CTIF: variants seen among roughly 807,000 people sequenced by gnomAD.
CTIF encodes CBP80/20-dependent translation initiation factor.
CTIF carries 21 observed loss-of-function variants against 66.0 expected under a neutral mutation model. The observed-to-expected ratio is 0.32, with a 90% CI of 0.23 to 0.46. CTIF has a LOEUF of 0.46. CTIF is among the 20% of genes least tolerant of loss of function. The pLI is 1.00. For missense variants in CTIF, 739 were observed against 812.7 expected, an observed-to-expected ratio of 0.91 and a Z score of 1.10; for synonymous variants, 345 against 326.4, an observed-to-expected ratio of 1.06 and a Z score of -0.62.
chr18:48,642,550 A>G (rs1348146902), intron 3 of CTIF, among the ~76,000 whole-genome samples: 1 of 152,190 alleles, frequency 6.6e-6, no homozygotes, highest in Non-Finnish European at 1.5e-5. Flanking sequence ...GGGGCTGAGA[A>G]TGGTGAATGC....
Position 48,544,788 on chromosome 18 carries a change from G to A in CTIF, c.-29+5476G>A, listed in dbSNP as rs570492250. 7.2e-5 allele frequency among the ~76,000 whole-genome samples: 11 copies of A among 152,332 alleles called. No individual in the cohort carries two copies. In the South Asian group the frequency reaches 8.3e-4, roughly 11 times the overall value. ...AGGTTTACTTGATCATCCTGCAGTCGGTGCGAGCTTCACAGTAGTTGTCGG... is the reference window on the plus strand; with the variant it reads ...AGGTTTACTTGATCATCCTGCAGTCAGTGCGAGCTTCACAGTAGTTGTCGG... On this transcript the variant is annotated intron_variant, in intron 1 of 11. Coordinates refer to ENST00000256413, the MANE Select transcript of CTIF (RefSeq NM_014772.3).
chr18:48,842,012 C>T (rs1452168537), intron 10 of CTIF, among the ~76,000 whole-genome samples: 1 of 152,144 alleles, frequency 6.6e-6, no homozygotes, highest in Non-Finnish European at 1.5e-5. Flanking sequence ...TTAAATCTAC[C>T]TGGTTCTCAA....
At chr18:48,642,330 G>A (rs145808887) in intron 3 of CTIF, among the ~76,000 whole-genome samples, 19 of 152,338 alleles carry the variant, frequency 1.2e-4, no homozygotes, top group African/African-American at 4.6e-4. Flanking sequence ...GTCTCTGTGG[G>A]TAGGGAGGTG....
intron 9 of CTIF, among the ~76,000 whole-genome samples, chr18:48,763,568 C>T (rs1909223676): frequency 6.6e-6 from 1 of 152,236 alleles, no homozygotes; most frequent in African/African-American, 2.4e-5. Context: ...TTAAGAACTA[C>T]TTGTGGGATT....
chr18:48,761,448 A>T lies in CTIF; in HGVS notation c.1130A>T (p.Glu377Val). The change falls in exon 9 of 12, where the codon GAG (glutamate) becomes GTG (valine). Residue 377 changes from glutamate to valine, a missense_variant. Transcript: ENST00000256413. The surrounding 1 kb of genome is among the most constrained non-coding windows in gnomAD (Gnocchi z 4.2). The stretch of plus-strand genomic sequence containing the variant: ...CAGAACAAGATGGACAAGCTGATCG[A>T]GATCCTGAACAGCATGCGGAACAAC... ...PQQNKMDKLIEILNSMRNNSS... is the reference protein window; with the variant it reads ...PQQNKMDKLIVILNSMRNNSS... 6.2e-7 allele frequency: 1 copy of T among 1,614,146 alleles called. No homozygotes were observed. The highest frequency in any genetic ancestry group is 8.5e-7 in the Non-Finnish European group (1 of 1,180,054).
At chr18:48,563,229 C>CTCT (rs2089202919) in intron 1 of CTIF, among the ~76,000 whole-genome samples, 1 of 152,242 alleles carries the variant, frequency 6.6e-6, no homozygotes, top group East Asian at 1.9e-4. Context: ...CAGCCTCCTC[C>CTCT]ACCCTTGGGG....
At chr18:48,755,742 G>A (rs1908294669) in intron 7 of CTIF, 1 of 152,278 alleles carries the variant, frequency 6.6e-6, no homozygotes, top group Admixed American at 6.5e-5. Context: ...CAGGCCTCCT[G>A]AGAAGGGCCC....
At chr18:48,854,397 AGAAGTCATGGAAAC>A (rs1555707055) in intron 10 of CTIF, among the ~76,000 whole-genome samples, 1 of 152,154 alleles carries the variant, frequency 6.6e-6, no homozygotes, top group Non-Finnish European at 1.5e-5. Context: ...CTGCATGGGA[AGAAGTCATGGAAAC>A]CCATGGCTTT....
At chr18:48,765,653 A>T (rs2145918404) in intron 9 of CTIF, among the ~76,000 whole-genome samples, 1 of 152,308 alleles carries the variant, frequency 6.6e-6, no homozygotes, top group African/African-American at 2.4e-5. Flanking sequence ...GCAGGGTGGG[A>T]GAAGGGAGAA....
chr18:48,573,165 A>T (rs1487939281), intron 1 of CTIF, among the ~76,000 whole-genome samples: 6 of 152,186 alleles, frequency 3.9e-5, no homozygotes, highest in Non-Finnish European at 8.8e-5. Flanking sequence ...GACTGCACTA[A>T]GAGGCATTTG....
intron 3 of CTIF, among the ~76,000 whole-genome samples, chr18:48,653,399 C>T (rs2040752548): frequency 1.3e-5 from 2 of 152,086 alleles, no homozygotes; most frequent in South Asian, 2.1e-4. Context: ...AATAAAATAC[C>T]TAGGAATCCA....
At chr18:48,623,790 A>T (rs2090540772) in intron 2 of CTIF, among the ~76,000 whole-genome samples, 1 of 152,134 alleles carries the variant, frequency 6.6e-6, no homozygotes, top group Admixed American at 6.5e-5. Flanking sequence ...ATATCTCATG[A>T]TGTTTGTACA....
intron 7 of CTIF, among the ~76,000 whole-genome samples, chr18:48,729,489 C>G (rs1053837568): frequency 6.6e-6 from 1 of 152,212 alleles, no homozygotes; most frequent in Non-Finnish European, 1.5e-5. Flanking sequence ...CCCAGCCTTT[C>G]TCACAGCAGC....
At chr18:48,716,947 G>A (rs1056923128) in intron 7 of CTIF, among the ~76,000 whole-genome samples, 9 of 152,220 alleles carry the variant, frequency 5.9e-5, no homozygotes, top group African/African-American at 9.6e-5. Context: ...AGATGGCTCC[G>A]CAGGACTAGA....
chr18:48,635,380 T>C (rs1252873213), intron 2 of CTIF, among the ~76,000 whole-genome samples: 2 of 150,336 alleles, frequency 1.3e-5, no homozygotes, highest in African/African-American at 4.9e-5. Flanking sequence ...GCATTGTGCA[T>C]TGGCACGACC....
At chr18:48,620,661 A>G (rs1321902715) in intron 2 of CTIF, among the ~76,000 whole-genome samples, 1 of 152,216 alleles carries the variant, frequency 6.6e-6, no homozygotes, top group African/African-American at 2.4e-5. Flanking sequence ...ACAAGCATGT[A>G]CAGGAGAGTC....
chr18:48,855,271 G>A (rs1196245371), intron 10 of CTIF, among the ~76,000 whole-genome samples: 1 of 152,218 alleles, frequency 6.6e-6, no homozygotes, highest in Non-Finnish European at 1.5e-5. Context: ...CTGACTTTGA[G>A]GTTATGGAAG....
chr18:48,762,368 G>A (rs1909092228), intron 9 of CTIF, among the ~76,000 whole-genome samples: 1 of 152,194 alleles, frequency 6.6e-6, no homozygotes, highest in African/African-American at 2.4e-5. Context: ...GCGTGCACTT[G>A]GACGGAGCTT....
intron 2 of CTIF, among the ~76,000 whole-genome samples, chr18:48,636,146 G>C (rs989089678): frequency 8.5e-5 from 13 of 152,160 alleles, no homozygotes; most frequent in African/African-American, 1.4e-4. Flanking sequence ...AGCCAGGTTG[G>C]GCTCTTTCCT....
Sources: gnomAD v4.1 joint callset for allele counts (sites outside exome capture counted in the v4.1 genomes callset) on GRCh38, gnomAD v4.1.1 for gene constraint, Gnocchi (gnomAD v3.1) non-coding constraint, MANE v1.5 for transcripts, NCBI Gene and HGNC (gene_info 2026-07-23, HGNC 2026-07-21) for gene names.